GREB1L: variants seen among roughly 807,000 people sequenced by gnomAD.
GREB1L encodes the protein GREB1 like retinoic acid receptor coactivator, also known as GREB1-like protein.
In GREB1L, 17 loss-of-function variants were observed where a neutral mutation model predicts 200.8. The observed-to-expected ratio is 0.08, with a 90% CI of 0.06 to 0.13. GREB1L has a LOEUF of 0.13. GREB1L is among the 10% of genes least tolerant of loss of function. The pLI, the probability that GREB1L is intolerant of heterozygous loss-of-function variation, is 1.00. For synonymous variants in GREB1L, 789 were observed against 893.0 expected, an observed-to-expected ratio of 0.88 and a Z score of 2.08; for missense variants, 1,657 against 2,367.7, an observed-to-expected ratio of 0.70 and a Z score of 6.23.
chr18:21,316,953 G>A (rs1323008069), intron 1 of GREB1L: 1 of 151,944 alleles, frequency 6.6e-6, no homozygotes, highest in African/African-American at 2.4e-5. Flanking sequence ...AGTAGACACG[G>A]GGTTTCGTTG....
intron 1 of GREB1L, among the ~76,000 whole-genome samples, chr18:21,248,684 G>A (rs879051426): frequency 6.6e-6 from 1 of 152,192 alleles, no homozygotes; most frequent in Admixed American, 6.5e-5. Flanking sequence ...TTGGCATTAT[G>A]TTTCAAGACT....
chr18:21,412,877 T>C (rs761338442), intron 7 of GREB1L, among the ~76,000 whole-genome samples: 2 of 151,784 alleles, frequency 1.3e-5, no homozygotes, highest in Non-Finnish European at 2.9e-5. Flanking sequence ...TATGTACCAA[T>C]GTATGTAGTC....
At chr18:21,253,988 C>T (rs1359795393) in intron 1 of GREB1L, among the ~76,000 whole-genome samples, 1 of 151,314 alleles carries the variant, frequency 6.6e-6, no homozygotes, top group African/African-American at 2.4e-5. Context: ...AGGTGTGTAC[C>T]ACTATGCCTG....
At position 21,452,119 on chromosome 18, in the gene GREB1L, AAAG is replaced by A; in HGVS notation, c.1891_1893del (p.Arg631del). The A allele has an allele frequency of 1.3e-6, 2 of 1,552,226 alleles. No individual in the cohort carries two copies. The highest frequency in any genetic ancestry group is 1.4e-5 in the African/African-American group (1 of 73,174). ...GACAAGCTGCTGGAAAAAATGCAACAAAGAAGAGGAGACAGTGTGGTTACCCCT... is the reference window on the plus strand; with the variant it reads ...GACAAGCTGCTGGAAAAAATGCAACAAAGAGGAGACAGTGTGGTTACCCCT... On this transcript the variant is annotated inframe_deletion, in exon 14 of 33. Coordinates refer to ENST00000424526, the MANE Select transcript of GREB1L (RefSeq NM_001142966.3).
At chr18:21,274,479 C>T (rs149089451) in intron 1 of GREB1L, among the ~76,000 whole-genome samples, 85 of 152,168 alleles carry the variant, frequency 5.6e-4, no homozygotes, top group African/African-American at 1.8e-3. Context: ...GGCATGATAA[C>T]GGCTCACTGC....
intron 1 of GREB1L, among the ~76,000 whole-genome samples, chr18:21,342,444 C>T (rs1224476077): frequency 6.6e-6 from 1 of 152,070 alleles, no homozygotes. Context: ...TCTTAATGTG[C>T]CAAAATGAGT....
chr18:21,501,830 A>G (rs2036807581), intron 23 of GREB1L, among the ~76,000 whole-genome samples: 1 of 152,224 alleles, frequency 6.6e-6, no homozygotes, highest in Non-Finnish European at 1.5e-5. Flanking sequence ...CTATGAACAA[A>G]ACATCGGCAC....
intron 7 of GREB1L, among the ~76,000 whole-genome samples, chr18:21,426,057 A>AT (rs201525429): frequency 0.011 from 1,442 of 134,622 alleles, 22 homozygotes; most frequent in African/African-American, 0.03. Flanking sequence ...TTTTAGGTTA[A>AT]TTTTTTTTTT....
At chr18:21,326,909 A>T (rs2039031466) in intron 1 of GREB1L, among the ~76,000 whole-genome samples, 1 of 152,092 alleles carries the variant, frequency 6.6e-6, no homozygotes, top group Admixed American at 6.6e-5. Flanking sequence ...CTTTTGGTAG[A>T]TGTCTGCTCT....
intron 29 of GREB1L, 91 bp downstream of exon 29, chr18:21,515,735 C>A: frequency 1.1e-6 from 1 of 919,596 alleles, no homozygotes; most frequent in Non-Finnish European, 1.6e-6. Context: ...ATTCGTATGT[C>A]TTCAGTTGAG....
At chr18:21,431,926 T>C (rs1221846425) in intron 7 of GREB1L, among the ~76,000 whole-genome samples, 113 of 137,694 alleles carry the variant, frequency 8.2e-4, no homozygotes, top group African/African-American at 2.9e-3. Flanking sequence ...TTTCTTTTTT[T>C]TTTTTTTTTT....
chr18:21,453,101 AT>A (rs1218435422), intron 14 of GREB1L, among the ~76,000 whole-genome samples: 2 of 152,262 alleles, frequency 1.3e-5, no homozygotes, highest in African/African-American at 2.4e-5. Context: ...CACATTTAGA[AT>A]TTAAACATTC....
intron 14 of GREB1L, 21 bp from the exon 15 acceptor site, chr18:21,454,345 T>C (rs1032189549): frequency 3.3e-6 from 5 of 1,513,810 alleles, no homozygotes; most frequent in Non-Finnish European, 3.6e-6. Flanking sequence ...CTTGTTCTTA[T>C]GACTTCTCTT....
At chr18:21,399,572 C>T (rs566227893) in intron 5 of GREB1L, among the ~76,000 whole-genome samples, 178 of 151,906 alleles carry the variant, frequency 1.2e-3, no homozygotes, top group Non-Finnish European at 2.0e-3. Flanking sequence ...CTTTTTTTGG[C>T]GGGGAGGGGC....
At chr18:21,268,569 A>ATG (rs1374384175) in intron 1 of GREB1L, among the ~76,000 whole-genome samples, 1 of 97,282 alleles carries the variant, frequency 1.0e-5, no homozygotes, top group Non-Finnish European at 1.9e-5. Flanking sequence ...ACATATATAT[A>ATG]TATATATATA....
At chr18:21,442,778 C>CTT (rs753808481) in intron 10 of GREB1L, among the ~76,000 whole-genome samples, 3 of 129,304 alleles carry the variant, frequency 2.3e-5, no homozygotes, top group Non-Finnish European at 5.0e-5. Context: ...ATTTAGCTTA[C>CTT]TTTTTTTTTT....
intron 1 of GREB1L, among the ~76,000 whole-genome samples, chr18:21,278,582 A>G (rs1324421067): frequency 4.6e-5 from 7 of 151,956 alleles, no homozygotes; most frequent in African/African-American, 1.7e-4. Context: ...TGGGTGTAAA[A>G]TGTTCTGGTA....
intron 15 of GREB1L, among the ~76,000 whole-genome samples, chr18:21,463,224 C>CA (rs2035128536): frequency 7.5e-6 from 1 of 132,910 alleles, no homozygotes; most frequent in Admixed American, 8.7e-5. Flanking sequence ...CGGCTCACTG[C>CA]AAGCTCCACC....
intron 7 of GREB1L, among the ~76,000 whole-genome samples, chr18:21,436,818 C>T (rs1157548897): frequency 6.6e-6 from 1 of 151,788 alleles, no homozygotes; most frequent in Non-Finnish European, 1.5e-5. Flanking sequence ...TTAAGCAACC[C>T]TCCCACCTCA....
Sources: allele counts gnomAD v4.1 joint callset (sites outside exome capture counted in the v4.1 genomes callset), GRCh38; gene constraint gnomAD v4.1.1; transcripts MANE v1.5; gene names NCBI Gene and HGNC (gene_info 2026-07-23, HGNC 2026-07-21).